ZNF263: variants seen among roughly 807,000 people sequenced by gnomAD.
ZNF263 encodes the protein zinc finger protein 263.
In ZNF263, 49 loss-of-function variants were observed where a neutral mutation model predicts 63.1. The ratio of observed to expected loss-of-function variants is 0.78; its 90% CI spans 0.62 to 0.99. The LOEUF is 0.99. Ranked by LOEUF, ZNF263 falls within the 50% of genes least tolerant of loss-of-function variation. The pLI is 0.00. For missense variants in ZNF263, 872 were observed against 854.8 expected (o/e 1.02, Z -0.25); for synonymous variants, 352 against 324.2 (o/e 1.09, Z -0.92).
downstream of ZNF263, chr16:3,293,014 T>A (rs1223027873): frequency 1.3e-5 from 2 of 152,222 alleles, no homozygotes; most frequent in African/African-American, 4.8e-5. Flanking sequence ...ACTGATGACA[T>A]CTCCTTCCCT....
Position 3,290,215 on chromosome 16 carries a change from C to T in ZNF263, c.1709C>T (p.Ala570Val). The change falls in exon 6 of 6, where the codon GCA (alanine) becomes GTA (valine). Residue 570 changes from alanine to valine, a missense_variant. By Grantham distance (64) the Ala-to-Val change is moderately conservative. Transcript: ENST00000219069. ...CTTACAAACCATGGAGCCCATAAGG[C>T]AGAGAAGAAGCTCTTTGAATGTTTG... The part of the protein sequence containing the change: ...PFLTNHGAHK[A>V]EKKLFECLTC... 6.2e-7 allele frequency: 1 copy of T among 1,614,128 alleles called. No homozygotes were observed. The highest frequency in any genetic ancestry group is 8.5e-7 in the Non-Finnish European group (1 of 1,180,024).
At chr16:3,295,193 C>T (rs1959711952), downstream of ZNF263, among the ~76,000 whole-genome samples, 1 of 146,116 alleles carries the variant, frequency 6.8e-6, no homozygotes, top group African/African-American at 2.8e-5. Flanking sequence ...CCACGAGCCT[C>T]CTCCAACCGC....
At chr16:3,288,624 A>C in intron 5 of ZNF263, 54 bp downstream of exon 5, 1 of 1,367,992 alleles carries the variant, frequency 7.3e-7, no homozygotes, top group Non-Finnish European at 1.0e-6. Flanking sequence ...TCTTGCAGTT[A>C]AGAGTGAGGC....
In ZNF263 at chr16:3,283,625, T is replaced by A; in HGVS notation, c.-194T>A. On this transcript the variant is annotated 5_prime_UTR_variant, in exon 1 of 6. Transcript: ENST00000219069. ...GCGCAGATGGGCCACGGGGCCGGCG[T>A]GGCGGCGCCTGGGACCGACTGAGGC... 1 of 788,646 alleles carries A rather than the reference T, an allele frequency of 1.3e-6. No individual in the cohort carries two copies. The highest frequency in any genetic ancestry group is 4.3e-5 in the Admixed American group (1 of 23,366). The allele number at this position is 788,646 out of a possible 1,614,324, so 48.9% of individuals were successfully genotyped here. A position where few individuals can be genotyped will look rare whatever the true frequency, so the allele number is the denominator to read the frequency against.
At position 3,289,857 on chromosome 16, in the gene ZNF263, C is replaced by A. The variant is rs749918009; in HGVS notation, c.1351C>A (p.Arg451Ser). Residue 451 changes from arginine to serine, a missense_variant, in exon 6 of 6, where the codon CGC becomes AGC. Coordinates refer to ENST00000219069, the MANE Select transcript of ZNF263 (RefSeq NM_005741.5). ...CTTCAGTCAGAACACCCATCTGACT[C>A]GCCACCAACGCACCCACACGGGTGA... ...KCFSQNTHLT[R>S]HQRTHTGEKP... The A allele has an allele frequency of 2.5e-6, 4 of 1,614,202 alleles. No individual in the cohort carries two copies. Among genetic ancestry groups the A allele is most frequent in the Non-Finnish European group, 3.4e-6 (4 of 1,180,040 alleles).
rs145410817 is a variant in ZNF263 at position 3,300,790 on chromosome 16, T to C, written c.*47-123T>C. The C allele has an allele frequency of 3.0e-5, 34 of 1,148,554 alleles. No homozygotes were observed. In the East Asian group the frequency reaches 9.5e-4, roughly 32 times the overall value. The allele number at this position is 1,148,554 out of a possible 1,614,324, so 71.1% of individuals were successfully genotyped here. A position where few individuals can be genotyped will look rare whatever the true frequency, so the allele number is the denominator to read the frequency against. Reference sequence around the variant, plus strand: ...GCTAACCATGACTGAAGAGCTAGTCTAGAGGTGGAGGTCTTATGCACTCAG... The same window carrying C: ...GCTAACCATGACTGAAGAGCTAGTCCAGAGGTGGAGGTCTTATGCACTCAG... On this transcript the variant is annotated intron_variant, in intron 2 of 2. Coordinates refer to the ZNF263 transcript ENST00000574674.
Position 3,284,137 on chromosome 16 carries a change from G to C in ZNF263, c.319G>C (p.Glu107Gln). The change falls in exon 1 of 6, where the codon GAG (glutamate) becomes CAG (glutamine). Residue 107 changes from glutamate to glutamine, a missense_variant. Glu to Gln is a conservative substitution (Grantham distance 29, BLOSUM62 2). Coordinates refer to ENST00000219069, the MANE Select transcript of ZNF263 (RefSeq NM_005741.5). ...GAGCAGGGTGCAGGAGCTGCATCCG[G>C]AGAGCGGCGAAGAAGCGGTGACCCT... is the stretch of plus-strand genomic sequence containing the variant. ...IQSRVQELHP[E>Q]SGEEAVTLVE... 1 of 1,604,284 alleles carries C rather than the reference G, an allele frequency of 6.2e-7. No individual in the cohort carries two copies. Among genetic ancestry groups the C allele is most frequent in the Non-Finnish European group, 8.5e-7 (1 of 1,174,464 alleles).
At chr16:3,289,085 T>G (rs1359278629) in intron 5 of ZNF263, among the ~76,000 whole-genome samples, 1 of 152,116 alleles carries the variant, frequency 6.6e-6, no homozygotes, top group African/African-American at 2.4e-5. Context: ...AGGCCCTTAT[T>G]CTTGAGCTTA....
Position 3,299,046 on chromosome 16 carries a change from T to A in ZNF263, c.152-60T>A, listed in dbSNP as rs1959850321. 5 of 1,391,946 alleles carry A rather than the reference T, an allele frequency of 3.6e-6. No individual in the cohort carries two copies. The South Asian group carries it at 1.0e-4, about 28-fold the overall frequency. 86.2% of individuals were successfully genotyped at this position (1,391,946 alleles called of 1,614,324 possible). A position where few individuals can be genotyped will look rare whatever the true frequency, so the allele number is the denominator to read the frequency against. On this transcript the variant is annotated intron_variant, in intron 1 of 2. Coordinates refer to the ZNF263 transcript ENST00000574674. ...GCCTAGGTTTCAAAAAGCTACCAATTCTAGAATGGATTTTACTCTGGAACT... is the reference window on the plus strand; with the variant it reads ...GCCTAGGTTTCAAAAAGCTACCAATACTAGAATGGATTTTACTCTGGAACT...
intron 4 of ZNF263, among the ~76,000 whole-genome samples, chr16:3,287,359 G>A (rs1014280084): frequency 3.1e-4 from 45 of 146,958 alleles, no homozygotes; most frequent in African/African-American, 9.8e-4. Flanking sequence ...TGATCCACCC[G>A]CCTCCCAAAG....
chr16:3,283,745 C>T lies in ZNF263; in HGVS notation c.-74C>T, dbSNP rs1959235089. 3.4e-6 allele frequency: 5 copies of T among 1,457,752 alleles called. No individual in the cohort carries two copies. The South Asian group carries it at 4.3e-5, about 13-fold the overall frequency. 90.3% of individuals were successfully genotyped at this position (1,457,752 alleles called of 1,614,324 possible). On this transcript the variant is annotated 5_prime_UTR_variant, in exon 1 of 6. Coordinates refer to ENST00000219069, the MANE Select transcript of ZNF263 (RefSeq NM_005741.5). ...CCGGGCTCCTGCTGGCGCCGTCCAA[C>T]CTTACATGGGTTCAGGGCGCCTTCG...
In ZNF263 at chr16:3,300,026, C is replaced by T. The variant is rs142304139; in HGVS notation, c.*46+870C>T. The T allele has an allele frequency of 1.5e-5, 24 of 1,614,200 alleles. No homozygotes were observed. The African/African-American group carries it at 2.3e-4, about 15-fold the overall frequency. On this transcript the variant is annotated intron_variant, in intron 2 of 2. Transcript: ENST00000574674. ...ATTTTCTTCCCTGGTAGGCAGATAT[C>T]TTTCCTACTTGCCTGAGAATTTTCT...
rs267604537 is a variant in ZNF263 at position 3,289,551 on chromosome 16, C to G, written c.1045C>G (p.Pro349Ala). Residue 349 changes from proline (P) to alanine (A), a missense_variant, in exon 6 of 6, where the codon CCA (proline) becomes GCA (alanine). Physicochemically the swap from Pro to Ala is conservative, Grantham distance 27. Transcript: ENST00000219069. ...GTCGCAAGGGGATTGGGCGCCTCCCCCAGAGGGTGGAATGGAGCAGGCCTT... is the reference window on the plus strand; with the variant it reads ...GTCGCAAGGGGATTGGGCGCCTCCCGCAGAGGGTGGAATGGAGCAGGCCTT... ...DRSQGDWAPP[P>A]EGGMEQALAG... The G allele has an allele frequency of 1.2e-6, 2 of 1,611,068 alleles. No individual in the cohort carries two copies. The highest frequency in any genetic ancestry group is 8.5e-7 in the Non-Finnish European group (1 of 1,178,338).
downstream of ZNF263, chr16:3,291,513 G>A: frequency 1.0e-6 from 1 of 984,340 alleles, no homozygotes; most frequent in East Asian, 1.1e-4. Flanking sequence ...GTGTTGATCT[G>A]TCTCCCCTCT....
At chr16:3,288,124 C>T (rs565608508) in intron 4 of ZNF263, among the ~76,000 whole-genome samples, 6 of 151,826 alleles carry the variant, frequency 4.0e-5, no homozygotes, top group South Asian at 2.1e-4. Context: ...TGGTGGTGCA[C>T]GCCTGTAATC....
At position 3,286,156 on chromosome 16, in the gene ZNF263, A is replaced by G. The variant is rs767083347; in HGVS notation, c.769+7A>G. ...GAGAATGTGGACTCACTGGGTAAGGACTTCTTTTCCAGGGATGATGACTGC... is the reference window on the plus strand; with the variant it reads ...GAGAATGTGGACTCACTGGGTAAGGGCTTCTTTTCCAGGGATGATGACTGC... On this transcript the variant is annotated splice_region_variant and intron_variant, in intron 4 of 5. Transcript: ENST00000219069. 2 of 1,580,572 alleles carry G rather than the reference A, an allele frequency of 1.3e-6. No homozygotes were observed. Among genetic ancestry groups the G allele is most frequent in the African/African-American group, 2.7e-5 (2 of 72,754 alleles).
Position 3,291,430 on chromosome 16 carries a change from G to A in ZNF263, c.*872G>A, listed in dbSNP as rs895157164. ...TGTCTTTCCCTGTTGAAAATGTTTG[G>A]ATGGGAATAAATATCTTCAGGAAAC... On this transcript the variant is annotated 3_prime_UTR_variant, in exon 6 of 6. Coordinates refer to ENST00000219069, the MANE Select transcript of ZNF263 (RefSeq NM_005741.5). The A allele has an allele frequency of 1.3e-5, 13 of 985,306 alleles. No homozygotes were observed. In the South Asian group the frequency reaches 4.7e-4, roughly 36 times the overall value. 61.0% of individuals were successfully genotyped at this position (985,306 alleles called of 1,614,324 possible).
rs530859380 is a variant in ZNF263 at position 3,284,309 on chromosome 16, A to G, written c.387+104A>G. The G allele has an allele frequency of 8.3e-5, 117 of 1,401,446 alleles. No individual in the cohort carries two copies. In the East Asian group the frequency reaches 3.0e-3, roughly 35 times the overall value. 86.8% of individuals were successfully genotyped at this position (1,401,446 alleles called of 1,614,324 possible). ...AAGTAAATTGCCCTGAGTAGACCTT[A>G]CGTGGGGAAGAGGACTTGTGATTTA... On this transcript the variant is annotated intron_variant, in intron 1 of 5. Transcript: ENST00000219069.
At position 3,285,887 on chromosome 16, in the gene ZNF263, C is replaced by T. The variant is rs1267278238; in HGVS notation, c.642+133C>T. On this transcript the variant is annotated intron_variant, in intron 3 of 5. Coordinates refer to ENST00000219069, the MANE Select transcript of ZNF263 (RefSeq NM_005741.5). ...CCCCACTGCTTTGTCTATTTCACAC[C>T]TCACTTGGAGGCCTGATACCCTTCT... The T allele has an allele frequency of 7.1e-6, 11 of 1,545,686 alleles. No homozygotes were observed. The South Asian group carries it at 1.2e-4, about 17-fold the overall frequency.
Sources: gnomAD v4.1 joint callset for allele counts (sites outside exome capture counted in the v4.1 genomes callset) on GRCh38, gnomAD v4.1.1 for gene constraint, MANE v1.5 for transcripts, NCBI Gene and HGNC (gene_info 2026-07-23, HGNC 2026-07-21) for gene names.